Variants in ADAM28 observed in about 807,000 individuals in gnomAD.
ADAM28 encodes ADAM metallopeptidase domain 28.
ADAM28 carries 105 observed loss-of-function variants against 101.2 expected under a neutral mutation model. The ratio of observed to expected loss-of-function variants is 1.04; its 90% CI spans 0.89 to 1.22. The LOEUF is 1.22. Among genes scored for constraint, ADAM28 ranks in the 50% most tolerant of loss-of-function variants. The pLI is 0.00. For synonymous variants in ADAM28, 322 were observed against 310.6 expected (o/e 1.04, Z -0.39); for missense variants, 1,028 against 945.4 (o/e 1.09, Z -1.15).
In ADAM28 at chr8:24,351,982, TTCAGATGAG is replaced by T; in HGVS notation, c.2183_2191del (p.Ser728_Met730del). On this transcript the variant is annotated splice_acceptor_variant and splice_polypyrimidine_tract_variant and coding_sequence_variant and intron_variant, in exon 21 of 23. Coordinates refer to ENST00000265769, the MANE Select transcript of ADAM28 (RefSeq NM_014265.6). LOFTEE classifies it high-confidence loss of function. ...TCATTTTGAAATATTCGTTCTTCTT[TTCAGATGAG>T]TCAGATGAAGCCCCATGTGTATGAT... 26 of 1,613,430 alleles carry T rather than the reference TTCAGATGAG, an allele frequency of 1.6e-5. No homozygotes were observed. The highest frequency in any genetic ancestry group is 5.0e-5 in the Admixed American group (3 of 59,962).
chr8:24,305,174 T>G (rs555944234), intron 2 of ADAM28, among the ~76,000 whole-genome samples: 32 of 152,164 alleles, frequency 2.1e-4, no homozygotes, highest in African/African-American at 7.0e-4. Flanking sequence ...CCCTCCCATT[T>G]AGGGGACTCT....
At chr8:24,329,412 T>C (rs887361335) in intron 10 of ADAM28, among the ~76,000 whole-genome samples, 1 of 152,190 alleles carries the variant, frequency 6.6e-6, no homozygotes, top group Non-Finnish European at 1.5e-5. Context: ...AATTTATAGC[T>C]GCAAGCTCTA....
At chr8:24,344,778 T>A (rs1197894603) in intron 18 of ADAM28, among the ~76,000 whole-genome samples, 1 of 152,156 alleles carries the variant, frequency 6.6e-6, no homozygotes, top group East Asian at 1.9e-4. Flanking sequence ...CTTTCTTGAC[T>A]GCTTTATTTT....
chr8:24,299,766 T>C, intron 1 of ADAM28: 1 of 407,822 alleles, frequency 2.5e-6, no homozygotes, highest in Non-Finnish European at 4.4e-6. Context: ...GATCTGAAGA[T>C]ATAGGCTAAA....
At chr8:24,337,048 C>T (rs1309792214) in intron 14 of ADAM28, among the ~76,000 whole-genome samples, 1 of 152,170 alleles carries the variant, frequency 6.6e-6, no homozygotes, top group Non-Finnish European at 1.5e-5. Flanking sequence ...TTGCAATGCA[C>T]TGTGAAAACA....
At chr8:24,316,009 C>G (rs1295892658) in intron 6 of ADAM28, among the ~76,000 whole-genome samples, 1 of 151,844 alleles carries the variant, frequency 6.6e-6, no homozygotes, top group East Asian at 1.9e-4. Flanking sequence ...GTTAATGGTT[C>G]TTGATTTGAG....
intron 13 of ADAM28, among the ~76,000 whole-genome samples, chr8:24,334,366 A>T (rs1813743370): frequency 6.6e-6 from 1 of 152,204 alleles, no homozygotes; most frequent in African/African-American, 2.4e-5. Context: ...TGCAAAGCCG[A>T]GATTCAAATT....
At chr8:24,309,160 C>CAAGT (rs1367123426) in intron 2 of ADAM28, among the ~76,000 whole-genome samples, 1 of 152,110 alleles carries the variant, frequency 6.6e-6, no homozygotes, top group African/African-American at 2.4e-5. Flanking sequence ...TACCAATATC[C>CAAGT]AAGTTTAAAA....
intron 9 of ADAM28, among the ~76,000 whole-genome samples, chr8:24,326,133 TA>T (rs1812588834): frequency 6.6e-6 from 1 of 151,800 alleles, no homozygotes; most frequent in Admixed American, 6.6e-5. Flanking sequence ...CTACTGTAGC[TA>T]AAACAATGCT....
intron 6 of ADAM28, among the ~76,000 whole-genome samples, chr8:24,318,278 G>C (rs1275033526): frequency 6.6e-6 from 1 of 151,954 alleles, no homozygotes; most frequent in Non-Finnish European, 1.5e-5. Flanking sequence ...AAAGAGCTTT[G>C]CTTTTGAGAC....
chr8:24,311,222 TAAACA>T, intron 4 of ADAM28, 134 bp from the exon 5 acceptor site: 1 of 572,426 alleles, frequency 1.7e-6, no homozygotes. Flanking sequence ...AATTATTTTT[TAAACA>T]TCTTAGTTTA....
At chr8:24,317,857 T>G (rs1234789160) in intron 6 of ADAM28, among the ~76,000 whole-genome samples, 2 of 151,976 alleles carry the variant, frequency 1.3e-5, no homozygotes, top group Admixed American at 6.6e-5. Context: ...GGATACCAAG[T>G]AGCCAAATAT....
intron 16 of ADAM28, 32 bp downstream of exon 16, chr8:24,341,789 A>G (rs2129327412): frequency 6.2e-7 from 1 of 1,612,914 alleles, no homozygotes; most frequent in East Asian, 2.2e-5. Context: ...CACTCAAAAT[A>G]GTGTTTTTTA....
chr8:24,335,716 A>C, intron 14 of ADAM28, 75 bp downstream of exon 14: 3 of 1,449,498 alleles, frequency 2.1e-6, no homozygotes, highest in Non-Finnish European at 2.7e-6. Context: ...AACCATGGTC[A>C]AAGGACCATT....
In ADAM28 at chr8:24,346,443, C is replaced by T. The variant is rs115175213; in HGVS notation, c.1990+2859C>T. Among the ~76,000 whole-genome samples the T allele has an allele frequency of 5.5e-3, 840 of 152,100 alleles. 3 individuals carry two copies. Among genetic ancestry groups the T allele is most frequent in the African/African-American group, 0.019 (790 of 41,514 alleles). The stretch of plus-strand genomic sequence containing the variant: ...ATCATAAATTGTTTTATAATATTTT[C>T]ACAACTGTATCCCAACATCAATAGC... On this transcript the variant is annotated intron_variant, in intron 18 of 22. Transcript: ENST00000265769.
At position 24,299,983 on chromosome 8, in the gene ADAM28, T is replaced by TA; in HGVS notation, c.60dup (p.Glu21ArgfsTer9). The TA allele has an allele frequency of 6.2e-7, 1 of 1,611,806 alleles. No homozygotes were observed. Among genetic ancestry groups the TA allele is most frequent in the South Asian group, 1.1e-5 (1 of 90,940 alleles). Reference sequence around the variant, plus strand: ...TTTTCTTTTTTCTCAGTAAGTGCTATAAAAGAACTCCCTGGGGTGAAGAAG... The same window carrying TA: ...TTTTCTTTTTTCTCAGTAAGTGCTATAAAAAGAACTCCCTGGGGTGAAGAAG... On this transcript the variant is annotated frameshift_variant, in exon 2 of 23. Transcript: ENST00000265769. LOFTEE classifies it high-confidence loss of function.
chr8:24,308,779 T>G, intron 2 of ADAM28: 1 of 447,378 alleles, frequency 2.2e-6, no homozygotes, highest in South Asian at 1.6e-5. Flanking sequence ...GTATGGACTG[T>G]AAGAATTGAC....
At chr8:24,348,105 C>T (rs1200159109) in intron 18 of ADAM28, among the ~76,000 whole-genome samples, 1 of 151,942 alleles carries the variant, frequency 6.6e-6, no homozygotes, top group African/African-American at 2.4e-5. Flanking sequence ...CTTTTCTCTC[C>T]TTTCTTACTT....
At chr8:24,324,568 T>C (rs1445441337) in intron 9 of ADAM28, among the ~76,000 whole-genome samples, 1 of 152,000 alleles carries the variant, frequency 6.6e-6, no homozygotes, top group Non-Finnish European at 1.5e-5. Context: ...CTGGAGAGGC[T>C]ATTACCTAAG....
Sources: allele counts gnomAD v4.1 joint callset (sites outside exome capture counted in the v4.1 genomes callset), GRCh38; gene constraint gnomAD v4.1.1; transcripts MANE v1.5; gene names NCBI Gene and HGNC (gene_info 2026-07-23, HGNC 2026-07-21).